The following DISP2 variants were observed in gnomAD, a reference collection of about 807,000 sequenced individuals.
DISP2 encodes protein dispatched homolog 2.
DISP2 carries 59 observed loss-of-function variants against 95.5 expected under a neutral mutation model. That is an observed-to-expected ratio of 0.62 (90% CI 0.50 to 0.77). DISP2 has a LOEUF of 0.77. DISP2 is among the 30% of genes least tolerant of loss of function. DISP2 has a pLI of 0.00. For synonymous variants in DISP2, 827 were observed against 815.0 expected, an observed-to-expected ratio of 1.01 and a Z score of -0.25; for missense variants, 1,752 against 1,854.6, an observed-to-expected ratio of 0.94 and a Z score of 1.02.
chr15:40,364,791 G>T, intron 4 of DISP2, 47 bp from the exon 5 acceptor site: 1 of 1,575,984 alleles, frequency 6.3e-7, no homozygotes, highest in South Asian at 1.1e-5. Context: ...CCCAAATGGA[G>T]AACTCCTACC....
At position 40,368,314 on chromosome 15, in the gene DISP2, G is replaced by A. The variant is rs35565646; in HGVS notation, c.2202G>A (p.Pro734=). 0.16 allele frequency: 255,692 copies of A among 1,603,100 alleles called. 21,593 individuals are homozygous for A. Among genetic ancestry groups the A allele is most frequent in the African/African-American group, 0.26 (19,103 of 74,834 alleles). Residue 734 remains proline (P), a synonymous_variant, in exon 8 of 8, where the codon CCG becomes CCA. Transcript: ENST00000267889. ...SPRLRLPTLP[P]PGGQVFRPSH... ...GCCTGCGGCTGCCCACGCTGCCGCC[G>A]CCCGGCGGCCAGGTCTTCCGGCCCA...
At chr15:40,359,337 G>A (rs760330649) in intron 1 of DISP2, among the ~76,000 whole-genome samples, 4 of 152,206 alleles carry the variant, frequency 2.6e-5, no homozygotes, top group Non-Finnish European at 4.4e-5. Flanking sequence ...CAGTTAAAAT[G>A]TACATTCTGT....
chr15:40,364,124 G>T lies in DISP2; in HGVS notation c.450-102G>T. ...AAAGCGCTAAAAGGGTTAATACCAT[G>T]GGTTATCCCTCACCTACCCACTCCC... On this transcript the variant is annotated intron_variant, in intron 2 of 7. Coordinates refer to ENST00000267889, the MANE Select transcript of DISP2 (RefSeq NM_033510.3). 3.2e-6 allele frequency: 5 copies of T among 1,560,548 alleles called. No homozygotes were observed. In the South Asian group the frequency reaches 5.6e-5, roughly 18 times the overall value.
intron 7 of DISP2, among the ~76,000 whole-genome samples, chr15:40,365,987 G>C (rs1050201031): frequency 2.0e-5 from 3 of 152,262 alleles, no homozygotes; most frequent in Non-Finnish European, 4.4e-5. Context: ...GGTCCTGAAA[G>C]GGCCCTCCAG....
At position 40,367,982 on chromosome 15, in the gene DISP2, A is replaced by G. The variant is rs769877693; in HGVS notation, c.1870A>G (p.Thr624Ala). 6.4e-7 allele frequency: 1 copy of G among 1,554,790 alleles called. No homozygotes were observed. The highest frequency in any genetic ancestry group is 8.6e-7 in the Non-Finnish European group (1 of 1,157,638). ...TCGCTGCCTCGCCCTCTTCATGGGCACGGCTGTGCTGGTGCACCTGGCGCT... is the reference window on the plus strand; with the variant it reads ...TCGCTGCCTCGCCCTCTTCATGGGCGCGGCTGTGCTGGTGCACCTGGCGCT... ...AVRCLALFMG[T>A]AVLVHLALTL... The change falls in exon 8 of 8, where the codon ACG (threonine) becomes GCG (alanine). Residue 624 changes from threonine (T) to alanine (A), a missense_variant. Thr to Ala is a moderately conservative substitution (Grantham distance 58, BLOSUM62 0). Around this residue, in one of 5 missense-constraint regions of DISP2, gnomAD observed 732 missense variants for 714.6 expected, o/e 1.02. Coordinates refer to ENST00000267889, the MANE Select transcript of DISP2 (RefSeq NM_033510.3).
Position 40,376,410 on chromosome 15 carries a change from A to C in DISP2, c.*6092A>C. The C allele has an allele frequency of 6.6e-6, 1 of 152,202 alleles. No individual in the cohort carries two copies. 9.4% of individuals were successfully genotyped at this position (152,202 alleles called of 1,614,324 possible). On this transcript the variant is annotated 3_prime_UTR_variant, in exon 8 of 8. Transcript: ENST00000267889. ...CGAGGCAGGTAGATCATCTGAGGTC[A>C]GGAGTTCAACACCAGCCTGGCCAAC...
rs1205558205 is a variant in DISP2, at chr15:40,368,026, C to T, written c.1914C>T (p.Pro638=). 3 of 1,532,622 alleles carry T rather than the reference C, an allele frequency of 2.0e-6. No homozygotes were observed. The highest frequency in any genetic ancestry group is 1.2e-5 in the South Asian group (1 of 84,088). 94.9% of individuals were successfully genotyped at this position (1,532,622 alleles called of 1,614,324 possible). ...TGGCGCTCACGCTGGTCTGGCTGCC[C>T]GCCTCCGCCGTGCTCCACGAGCGCT... ...VHLALTLVWL[P]ASAVLHERYL... is the part of the protein sequence containing the mutation. Residue 638 remains proline (P), a synonymous_variant, in exon 8 of 8, where the codon CCC becomes CCT. Transcript: ENST00000267889.
chr15:40,364,398 G>A lies in DISP2; in HGVS notation c.480-23G>A, dbSNP rs371442025. The A allele has an allele frequency of 3.2e-4, 512 of 1,613,510 alleles. 2 individuals are homozygous for A. The South Asian group carries it at 3.9e-3, about 12-fold the overall frequency. ...CCCGTTGCTACCACACCCAACTCAT[G>A]TGGACTCCTCCCTCTTTCCCAGCTA... On this transcript the variant is annotated intron_variant, in intron 3 of 7. Transcript: ENST00000267889.
At position 40,368,813 on chromosome 15, in the gene DISP2, G is replaced by A; in HGVS notation, c.2701G>A (p.Ala901Thr). ...CCGCTTTGATGCCCATGGCAGCCTG[G>A]CCGCCCTGGTCCTACAATTCCAGAC... is the stretch of plus-strand genomic sequence containing the variant. ...GLRFDAHGSL[A>T]ALVLQFQTNF... The change falls in exon 8 of 8, where the codon GCC (alanine) becomes ACC (threonine). Residue 901 changes from alanine (A) to threonine (T), a missense_variant. Transcript: ENST00000267889. The A allele has an allele frequency of 6.2e-7, 1 of 1,613,946 alleles. No individual in the cohort carries two copies. The highest frequency in any genetic ancestry group is 1.6e-4 in the Middle Eastern group (1 of 6,062).
At chr15:40,364,346 C>T (rs1399116690) in intron 3 of DISP2, 75 bp from the exon 4 acceptor site, 1 of 1,613,340 alleles carries the variant, frequency 6.2e-7, no homozygotes, top group African/African-American at 1.3e-5. Context: ...ATCTAGCACC[C>T]CTTCTGGGTG....
rs144852796 is a variant in DISP2, at chr15:40,375,068, G to A, written c.*4750G>A. Reference sequence around the variant, plus strand: ...TTTCTACCCACACCCTTGTTCACAGGGATGACTGTAACTAAGGTCTGCAGG... The same window carrying A: ...TTTCTACCCACACCCTTGTTCACAGAGATGACTGTAACTAAGGTCTGCAGG... On this transcript the variant is annotated 3_prime_UTR_variant, in exon 8 of 8. Coordinates refer to ENST00000267889, the MANE Select transcript of DISP2 (RefSeq NM_033510.3). 57 of 152,260 alleles carry A rather than the reference G, an allele frequency of 3.7e-4. No individual in the cohort carries two copies. Among genetic ancestry groups the A allele is most frequent in the African/African-American group, 1.2e-3 (48 of 41,530 alleles). The allele number at this position is 152,260 out of a possible 1,614,324, so 9.4% of individuals were successfully genotyped here.
chr15:40,367,435 C>G lies in DISP2; in HGVS notation c.1323C>G (p.Pro441=). ...PSLKYSLLFL[P]TPKGASLMDI... ...TCAAGTACAGCCTGCTCTTCCTGCCCACCCCAAAGGGTGCTTCCCTCATGG... is the reference window on the plus strand; with the variant it reads ...TCAAGTACAGCCTGCTCTTCCTGCCGACCCCAAAGGGTGCTTCCCTCATGG... The change falls in exon 8 of 8, where the codon CCC becomes CCG. Residue 441 remains proline, a synonymous_variant. Transcript: ENST00000267889. The G allele has an allele frequency of 5.6e-6, 9 of 1,613,664 alleles. No individual in the cohort carries two copies. The highest frequency in any genetic ancestry group is 7.6e-6 in the Non-Finnish European group (9 of 1,179,964).
chr15:40,358,503 A>G, intron 1 of DISP2, 63 bp downstream of exon 1: 4 of 1,136,434 alleles, frequency 3.5e-6, no homozygotes, highest in Non-Finnish European at 4.4e-6. Context: ...CGCCCCAGGT[A>G]TCCCCAGTAG....
At chr15:40,365,494 C>A in intron 6 of DISP2, 134 bp from the exon 7 acceptor site, 1 of 1,272,322 alleles carries the variant, frequency 7.9e-7, no homozygotes, top group Non-Finnish European at 1.1e-6. Context: ...GGGACAGGAT[C>A]AGGCAGTCCA....
chr15:40,361,753 A>G (rs1889409341), intron 1 of DISP2, among the ~76,000 whole-genome samples: 1 of 152,252 alleles, frequency 6.6e-6, no homozygotes, highest in African/African-American at 2.4e-5. Flanking sequence ...CCCATCTGCC[A>G]CTGAGGCTGG....
chr15:40,369,364 C>G lies in DISP2; in HGVS notation c.3252C>G (p.Leu1084=), dbSNP rs112459447. The G allele has an allele frequency of 1.1e-5, 18 of 1,613,556 alleles. 1 individual carries two copies. The African/African-American group carries it at 1.6e-4, about 14-fold the overall frequency. ...TCATGCTGCCTGCCACAGTGCTGCT[C>G]TATCGCAAGCTGGGCATCATCCTCA... The part of the protein sequence containing the change: ...GVLMLPATVL[L]YRKLGIILMM... Residue 1084 remains leucine (L), a synonymous_variant, in exon 8 of 8, where the codon CTC becomes CTG. Coordinates refer to ENST00000267889, the MANE Select transcript of DISP2 (RefSeq NM_033510.3).
Position 40,367,652 on chromosome 15 carries a change from C to A in DISP2, c.1540C>A (p.Leu514Ile), listed in dbSNP as rs765987058. 1 of 1,613,964 alleles carries A rather than the reference C, an allele frequency of 6.2e-7. No homozygotes were observed. The highest frequency in any genetic ancestry group is 1.3e-5 in the African/African-American group (1 of 74,918). Residue 514 changes from leucine (L) to isoleucine (I), a missense_variant, in exon 8 of 8, where the codon CTC becomes ATC. By Grantham distance (5) the Leu-to-Ile change is conservative. Around this residue, in one of 5 missense-constraint regions of DISP2, gnomAD observed 732 missense variants for 714.6 expected, o/e 1.02. Coordinates refer to ENST00000267889, the MANE Select transcript of DISP2 (RefSeq NM_033510.3). The stretch of plus-strand genomic sequence containing the variant: ...GTACCTGCGCTCACTCTTCCTCACG[C>A]TCATGGTGCTGCTGGGGGTGCTGGG... ...ALYLRSLFLT[L>I]MVLLGVLGSL... is the part of the protein sequence containing the mutation.
In DISP2 at chr15:40,369,011, G is replaced by A; in HGVS notation, c.2899G>A (p.Val967Met). The change falls in exon 8 of 8, where the codon GTG becomes ATG. Residue 967 changes from valine (V) to methionine (M), a missense_variant. Val to Met is a conservative substitution (Grantham distance 21). Around this residue, in one of 5 missense-constraint regions of DISP2, gnomAD observed 317 missense variants for 394.9 expected, o/e 0.80. Transcript: ENST00000267889. ...CAGCCTGAGCACTGAGCCTGCTGTG[G>A]TGCTGGGCCTGGCTTTGGCGCTGGC... Reference protein sequence around the residue: ...QHSLSTEPAVVLGLALALAFA... With the variant: ...QHSLSTEPAVMLGLALALAFA... 2.5e-6 allele frequency: 4 copies of A among 1,614,030 alleles called. No homozygotes were observed. Among genetic ancestry groups the A allele is most frequent in the African/African-American group, 1.3e-5 (1 of 75,056 alleles).
chr15:40,369,288 CCAGCTGCGCCA>C lies in DISP2; in HGVS notation c.3181_3191del (p.Cys1061ArgfsTer100). 1 of 1,613,718 alleles carries C rather than the reference CCAGCTGCGCCA, an allele frequency of 6.2e-7. No homozygotes were observed. Among genetic ancestry groups the C allele is most frequent in the Non-Finnish European group, 8.5e-7 (1 of 1,180,042 alleles). ...CGTGTGGCCTTCTCTCTGCGCCAGA[CCAGCTGCGCCA>C]CAGCCGTGGGGGCTGCAGCCCTGTT... On this transcript the variant is annotated frameshift_variant, in exon 8 of 8. Transcript: ENST00000267889. LOFTEE classifies it high-confidence loss of function.
Sources: gnomAD v4.1 joint callset for allele counts (sites outside exome capture counted in the v4.1 genomes callset) on GRCh38, gnomAD v4.1.1 for gene constraint, gnomAD v4.1.1 regional missense constraint, MANE v1.5 for transcripts, NCBI Gene and HGNC (gene_info 2026-07-23, HGNC 2026-07-21) for gene names.